ANKHD1: variants seen among roughly 807,000 people sequenced by gnomAD.
ANKHD1 encodes the protein ankyrin repeat and KH domain-containing protein 1.
In ANKHD1, 31 loss-of-function variants were observed where a neutral mutation model predicts 230.5. The observed-to-expected ratio is 0.13, with a 90% CI of 0.10 to 0.18. ANKHD1 has a LOEUF of 0.18. Ranked by LOEUF, ANKHD1 falls within the 10% of genes least tolerant of loss-of-function variation. The probability of loss-of-function intolerance (pLI) is 1.00; values close to 1 mark genes in which losing one functional copy is unlikely to be tolerated. For synonymous variants in ANKHD1, 1,074 were observed against 1,117.6 expected (o/e 0.96, Z 0.78); for missense variants, 2,256 against 3,071.3 (o/e 0.73, Z 6.27).
At chr5:140,406,088 A>T (rs1327174406) in intron 1 of ANKHD1, among the ~76,000 whole-genome samples, 1 of 152,084 alleles carries the variant, frequency 6.6e-6, no homozygotes. Flanking sequence ...AAAACAAAAA[A>T]TTAGCCGGGC....
intron 1 of ANKHD1, among the ~76,000 whole-genome samples, chr5:140,422,624 A>G (rs990683509): frequency 9.5e-5 from 14 of 147,698 alleles, no homozygotes; most frequent in South Asian, 7.3e-4. Flanking sequence ...CCTGATCAAC[A>G]TGGTGAAACC....
At chr5:140,467,268 CTATATG>C (rs1323491516) in intron 10 of ANKHD1, among the ~76,000 whole-genome samples, 3 of 151,378 alleles carry the variant, frequency 2.0e-5, no homozygotes, top group Non-Finnish European at 1.5e-5. Context: ...TTTAATAACT[CTATATG>C]TATAACTTTT....
rs527519037 is a variant in ANKHD1, at chr5:140,450,439, C to T, written c.1242+1134C>T. ...CTCCCAAGTAGGTTCAAGTGATTCTCGTGCCTCAGCTTCCCAAGCCTCCCA... is the reference window on the plus strand; with the variant it reads ...CTCCCAAGTAGGTTCAAGTGATTCTTGTGCCTCAGCTTCCCAAGCCTCCCA... On this transcript the variant is annotated intron_variant, in intron 7 of 33. Transcript: ENST00000360839. 8.6e-5 allele frequency among the ~76,000 whole-genome samples: 13 copies of T among 151,862 alleles called. No homozygotes were observed. In the East Asian group the frequency reaches 1.9e-3, roughly 23 times the overall value.
chr5:140,420,277 A>G (rs1198638784), intron 1 of ANKHD1, among the ~76,000 whole-genome samples: 4 of 151,884 alleles, frequency 2.6e-5, no homozygotes, highest in African/African-American at 9.7e-5. Context: ...TGCATGAGCC[A>G]CCATACCCAG....
At chr5:140,408,685 T>C (rs1277752387) in intron 1 of ANKHD1, among the ~76,000 whole-genome samples, 1 of 152,194 alleles carries the variant, frequency 6.6e-6, no homozygotes, top group Non-Finnish European at 1.5e-5. Flanking sequence ...TTTTAATTTT[T>C]AATTAAATTT....
At chr5:140,490,004 G>C (rs972722168) in intron 14 of ANKHD1, among the ~76,000 whole-genome samples, 12 of 152,260 alleles carry the variant, frequency 7.9e-5, no homozygotes, top group Non-Finnish European at 1.5e-4. Context: ...TACCAGGATA[G>C]GAAAACCTAT....
intron 1 of ANKHD1, among the ~76,000 whole-genome samples, chr5:140,409,626 C>A (rs994114351): frequency 6.6e-6 from 1 of 150,956 alleles, no homozygotes; most frequent in Admixed American, 6.6e-5. Context: ...GATCTCGGCT[C>A]ACTGCAGCCT....
Position 140,452,106 on chromosome 5 carries a change from C to T in ANKHD1, c.1242+2801C>T, listed in dbSNP as rs141306016. ...CGTGGCTCAAAGGGTCCCACACCCACGGAGCCTCCCTCATTGCTAACACAG... is the reference window on the plus strand; with the variant it reads ...CGTGGCTCAAAGGGTCCCACACCCATGGAGCCTCCCTCATTGCTAACACAG... On this transcript the variant is annotated intron_variant, in intron 7 of 33. Transcript: ENST00000360839. Among the ~76,000 whole-genome samples, 117 of 152,308 alleles carry T rather than the reference C, an allele frequency of 7.7e-4. 1 individual carries two copies. The highest frequency in any genetic ancestry group is 2.6e-3 in the African/African-American group (108 of 41,576).
intron 2 of ANKHD1, among the ~76,000 whole-genome samples, 153 bp downstream of exon 2, chr5:140,436,410 A>G (rs1240381128): frequency 6.6e-6 from 1 of 152,182 alleles, no homozygotes; most frequent in African/African-American, 2.4e-5. Context: ...AAATGTTCAC[A>G]TTTTGTATTT....
rs191165528 is a variant in ANKHD1, at chr5:140,410,862, G to C, written c.306+8589G>C. On this transcript the variant is annotated intron_variant, in intron 1 of 33. Transcript: ENST00000360839. Reference sequence around the variant, plus strand: ...GGTAGGTATTATCTACATTTTTATAGATGAATAAGTGTAGGCTCAGAGAGT... The same window carrying C: ...GGTAGGTATTATCTACATTTTTATACATGAATAAGTGTAGGCTCAGAGAGT... Among the ~76,000 whole-genome samples the C allele has an allele frequency of 6.6e-4, 100 of 152,188 alleles. 1 individual carries two copies. Among genetic ancestry groups the C allele is most frequent in the Non-Finnish European group, 7.6e-4 (52 of 68,016 alleles).
At chr5:140,447,795 A>C (rs931347857) in intron 6 of ANKHD1, among the ~76,000 whole-genome samples, 1 of 152,196 alleles carries the variant, frequency 6.6e-6, no homozygotes, top group African/African-American at 2.4e-5. Context: ...CATTCTAGGA[A>C]AGACGTTAAG....
chr5:140,513,339 A>G, intron 23 of ANKHD1, 24 bp from the exon 24 acceptor site: 1 of 1,589,850 alleles, frequency 6.3e-7, no homozygotes, highest in East Asian at 2.3e-5. Context: ...TTATATATTT[A>G]CATAATTCTA....
rs1465694982 is a variant in ANKHD1 at position 140,449,208 on chromosome 5, A to G, written c.1148-3A>G. On this transcript the variant is annotated splice_polypyrimidine_tract_variant and splice_region_variant and intron_variant, in intron 6 of 33. Coordinates refer to ENST00000360839, the MANE Select transcript of ANKHD1 (RefSeq NM_017747.3). ...TTTTAAAATTTTTGTTCCTTTTTTCAAGGCCATTTGGATATGGTTCGCTTT... is the reference window on the plus strand; with the variant it reads ...TTTTAAAATTTTTGTTCCTTTTTTCGAGGCCATTTGGATATGGTTCGCTTT... The G allele has an allele frequency of 3.1e-6, 5 of 1,607,210 alleles. No individual in the cohort carries two copies. The highest frequency in any genetic ancestry group is 4.3e-6 in the Non-Finnish European group (5 of 1,176,428).
chr5:140,493,359 C>G (rs1751892669), intron 14 of ANKHD1, among the ~76,000 whole-genome samples: 1 of 152,150 alleles, frequency 6.6e-6, no homozygotes, highest in African/African-American at 2.4e-5. Context: ...GCCACCGCAC[C>G]CGGCCACCTT....
At chr5:140,406,634 T>C (rs1174515185) in intron 1 of ANKHD1, among the ~76,000 whole-genome samples, 1 of 152,038 alleles carries the variant, frequency 6.6e-6, no homozygotes, top group East Asian at 1.9e-4. Context: ...AACCTCTGCT[T>C]CCTGCATTCA....
intron 1 of ANKHD1, among the ~76,000 whole-genome samples, chr5:140,417,605 C>T (rs892503522): frequency 7.3e-5 from 11 of 151,706 alleles, no homozygotes; most frequent in African/African-American, 2.4e-4. Flanking sequence ...TGCATGCCAC[C>T]ATGTCTGGCT....
chr5:140,514,403 A>G (rs1581360471), intron 24 of ANKHD1, among the ~76,000 whole-genome samples: 2 of 151,572 alleles, frequency 1.3e-5, no homozygotes, highest in African/African-American at 2.4e-5. Context: ...GTGAGGTGGG[A>G]GGATGGCCTG....
At chr5:140,491,090 G>GTATA (rs1482029581) in intron 14 of ANKHD1, among the ~76,000 whole-genome samples, 18 of 96,592 alleles carry the variant, frequency 1.9e-4, no homozygotes, top group Middle Eastern at 5.7e-3. Context: ...ATGTGTGTGT[G>GTATA]TGTATATATA....
At position 140,505,202 on chromosome 5, in the gene ANKHD1, G is replaced by A; in HGVS notation, c.3231G>A (p.Arg1077=). 3 of 1,614,004 alleles carry A rather than the reference G, an allele frequency of 1.9e-6. No homozygotes were observed. In the South Asian group the frequency reaches 3.3e-5, roughly 18 times the overall value. Residue 1077 remains arginine, a synonymous_variant, in exon 17 of 34, where the codon CGG becomes CGA. Transcript: ENST00000360839. ...HEELVSVLIA[R]DAKIEHRDKK... is the part of the protein sequence containing the mutation. Reference sequence around the variant, plus strand: ...AACTTGTATCTGTGCTCATTGCACGGGATGCCAAAATTGAACACAGAGACA... The same window carrying A: ...AACTTGTATCTGTGCTCATTGCACGAGATGCCAAAATTGAACACAGAGACA...
Sources: allele counts gnomAD v4.1 joint callset (sites outside exome capture counted in the v4.1 genomes callset), GRCh38; gene constraint gnomAD v4.1.1; transcripts MANE v1.5; gene names NCBI Gene and HGNC (gene_info 2026-07-23, HGNC 2026-07-21).